PTPN1: variants seen among roughly 807,000 people sequenced by gnomAD.
The protein encoded by PTPN1 is tyrosine-protein phosphatase non-receptor type 1.
PTPN1 carries 12 observed loss-of-function variants against 59.9 expected under a neutral mutation model. The observed-to-expected ratio is 0.20, with a 90% CI of 0.13 to 0.32. The LOEUF (loss-of-function observed/expected upper bound fraction) is 0.32, where lower values mean the gene tolerates loss of function less well. Among genes scored for constraint, PTPN1 ranks in the 10% least tolerant of loss-of-function variants. The pLI is 1.00. For missense variants in PTPN1, 356 were observed against 549.2 expected (o/e 0.65, Z 3.52); for synonymous variants, 178 against 203.6 (o/e 0.87, Z 1.07).
chr20:50,559,030 A>ATTTTTT (rs35277786), intron 1 of PTPN1, among the ~76,000 whole-genome samples: 2 of 119,462 alleles, frequency 1.7e-5, no homozygotes, highest in Non-Finnish European at 1.7e-5. Flanking sequence ...ACGTCAGGGA[A>ATTTTTT]TTTTTTTTTT....
At chr20:50,528,160 A>T (rs916989821) in intron 1 of PTPN1, among the ~76,000 whole-genome samples, 4 of 152,040 alleles carry the variant, frequency 2.6e-5, no homozygotes, top group Non-Finnish European at 5.9e-5. Flanking sequence ...CATTTTGTAC[A>T]TTTCTTCTGG....
chr20:50,539,345 A>T (rs1333653715), intron 1 of PTPN1, among the ~76,000 whole-genome samples: 1 of 152,034 alleles, frequency 6.6e-6, no homozygotes, highest in Non-Finnish European at 1.5e-5. Context: ...CTCTTCTCTC[A>T]ATTCTTCCTG....
intron 1 of PTPN1, among the ~76,000 whole-genome samples, chr20:50,540,061 A>G (rs1322661537): frequency 2.6e-5 from 4 of 151,616 alleles, no homozygotes; most frequent in Non-Finnish European, 5.9e-5. Context: ...ATTAAAAAAA[A>G]ATTTTTTTTT....
intron 1 of PTPN1, among the ~76,000 whole-genome samples, chr20:50,556,031 G>T (rs1408950095): frequency 6.6e-6 from 1 of 150,832 alleles, no homozygotes; most frequent in African/African-American, 2.4e-5. Context: ...TACTTTTTCA[G>T]GTCTTTTTTT....
intron 1 of PTPN1, among the ~76,000 whole-genome samples, chr20:50,517,592 C>G (rs140886708): frequency 6.6e-6 from 1 of 152,090 alleles, no homozygotes; most frequent in East Asian, 1.9e-4. Flanking sequence ...CGTATGACAT[C>G]GTTCGATTTA....
intron 1 of PTPN1, among the ~76,000 whole-genome samples, chr20:50,546,867 A>G (rs2082678284): frequency 6.6e-6 from 1 of 152,218 alleles, no homozygotes; most frequent in South Asian, 2.1e-4. Context: ...TCTGCCAACT[A>G]CATGTGTCCT....
chr20:50,524,452 CAT>C (rs953872386), intron 1 of PTPN1, among the ~76,000 whole-genome samples: 19 of 150,718 alleles, frequency 1.3e-4, no homozygotes, highest in Non-Finnish European at 2.1e-4. Flanking sequence ...ATATTGAAAA[CAT>C]GTGCCTAGTT....
At chr20:50,575,346 C>T (rs1418741705) in intron 5 of PTPN1, among the ~76,000 whole-genome samples, 3 of 152,164 alleles carry the variant, frequency 2.0e-5, no homozygotes, top group African/African-American at 7.2e-5. Context: ...TAACTGGGGT[C>T]GAATCCTGGC....
chr20:50,567,874 T>C (rs2082786435), intron 3 of PTPN1, among the ~76,000 whole-genome samples: 1 of 152,222 alleles, frequency 6.6e-6, no homozygotes, highest in Non-Finnish European at 1.5e-5. Context: ...ACATACTTCA[T>C]TTTCACAGTT....
intron 1 of PTPN1, among the ~76,000 whole-genome samples, chr20:50,512,983 A>G (rs554246979): frequency 6.6e-6 from 1 of 152,366 alleles, no homozygotes; most frequent in African/African-American, 2.4e-5. Context: ...ATTTTTGCTT[A>G]CAACTTGGTA....
rs774853431 is a variant in PTPN1, at chr20:50,579,826, A to G, written c.988A>G (p.Asn330Asp). 6.2e-7 allele frequency: 1 copy of G among 1,614,174 alleles called. No individual in the cohort carries two copies. Among genetic ancestry groups the G allele is most frequent in the East Asian group, 2.2e-5 (1 of 44,878 alleles). Residue 330 changes from asparagine (N) to aspartate (D), a missense_variant, in exon 8 of 10, where the codon AAT (asparagine) becomes GAT (aspartate). Physicochemically the swap from Asn to Asp is conservative, Grantham distance 23. Coordinates refer to ENST00000371621, the MANE Select transcript of PTPN1 (RefSeq NM_002827.4). Reference protein sequence around the residue: ...HNGKCREFFPNHQWVKEETQE... With the variant: ...HNGKCREFFPDHQWVKEETQE... Reference sequence around the variant, plus strand: ...TGGGAAATGCAGGGAGTTCTTCCCAAATCACCAGTGGGTGAAGGAAGAGAC... The same window carrying G: ...TGGGAAATGCAGGGAGTTCTTCCCAGATCACCAGTGGGTGAAGGAAGAGAC...
chr20:50,521,057 G>A (rs2082549103), intron 1 of PTPN1, among the ~76,000 whole-genome samples: 1 of 151,978 alleles, frequency 6.6e-6, no homozygotes, highest in African/African-American at 2.4e-5. Flanking sequence ...CTAAAAGTGG[G>A]ACAGAACTTT....
chr20:50,525,427 G>A (rs931351118), intron 1 of PTPN1, among the ~76,000 whole-genome samples: 6 of 152,174 alleles, frequency 3.9e-5, no homozygotes, highest in Non-Finnish European at 5.9e-5. Flanking sequence ...ATTGCTCCCC[G>A]TTTACCATTC....
At chr20:50,541,374 A>G (rs1252726289) in intron 1 of PTPN1, among the ~76,000 whole-genome samples, 1 of 152,208 alleles carries the variant, frequency 6.6e-6, no homozygotes. Context: ...CTCATTCAGT[A>G]AATCCTTATG....
chr20:50,583,509 G>A lies in PTPN1; in HGVS notation c.*794G>A, dbSNP rs1042446441. Reference sequence around the variant, plus strand: ...CCCGTGTGTATTAGAATGCATGTAAGGTCTTCTTGTGTCCTGATGAAAAAT... The same window carrying A: ...CCCGTGTGTATTAGAATGCATGTAAAGTCTTCTTGTGTCCTGATGAAAAAT... On this transcript the variant is annotated 3_prime_UTR_variant, in exon 10 of 10. Coordinates refer to ENST00000371621, the MANE Select transcript of PTPN1 (RefSeq NM_002827.4). 3 of 152,222 alleles carry A rather than the reference G, an allele frequency of 2.0e-5. No homozygotes were observed. Among genetic ancestry groups the A allele is most frequent in the African/African-American group, 7.2e-5 (3 of 41,428 alleles). 9.4% of individuals were successfully genotyped at this position (152,222 alleles called of 1,614,324 possible). A position where few individuals can be genotyped will look rare whatever the true frequency, so the allele number is the denominator to read the frequency against.
At chr20:50,525,603 C>T (rs1423916942) in intron 1 of PTPN1, among the ~76,000 whole-genome samples, 4 of 131,434 alleles carry the variant, frequency 3.0e-5, no homozygotes, top group African/African-American at 1.3e-4. Flanking sequence ...AGAAGTAGTC[C>T]TGGATTTGAT....
chr20:50,515,703 A>G (rs1470751195), intron 1 of PTPN1, among the ~76,000 whole-genome samples: 1 of 152,216 alleles, frequency 6.6e-6, no homozygotes, highest in Non-Finnish European at 1.5e-5. Context: ...GGCACAGAGT[A>G]GGTACCTAAC....
At chr20:50,569,639 TAG>T (rs2122789047) in intron 4 of PTPN1, among the ~76,000 whole-genome samples, 1 of 151,894 alleles carries the variant, frequency 6.6e-6, no homozygotes, top group African/African-American at 2.4e-5. Context: ...CTGTCCTGTG[TAG>T]ACTGTCCTGT....
At chr20:50,528,539 C>T (rs1226369948) in intron 1 of PTPN1, among the ~76,000 whole-genome samples, 1 of 151,772 alleles carries the variant, frequency 6.6e-6, no homozygotes. Flanking sequence ...CATGGTGAAA[C>T]CCTGTCTCTA....
Sources: gnomAD v4.1 joint callset for allele counts (sites outside exome capture counted in the v4.1 genomes callset) on GRCh38, gnomAD v4.1.1 for gene constraint, MANE v1.5 for transcripts, NCBI Gene and HGNC (gene_info 2026-07-23, HGNC 2026-07-21) for gene names.